CLVS1: variants seen among roughly 807,000 people sequenced by gnomAD.
CLVS1 encodes clavesin 1, also known as clavesin-1.
Under a neutral mutation model 33.1 loss-of-function variants are expected in CLVS1, and 10 were observed. The observed-to-expected ratio is 0.30, with a 90% CI of 0.19 to 0.51. CLVS1 has a LOEUF of 0.51. CLVS1 is among the 20% of genes least tolerant of loss of function. The pLI is 0.97. For synonymous variants in CLVS1, 163 were observed against 166.1 expected (o/e 0.98, Z 0.14); for missense variants, 343 against 433.4 (o/e 0.79, Z 1.85).
At chr8:61,360,069 TG>T (rs138210662) in intron 2 of CLVS1, among the ~76,000 whole-genome samples, 5,148 of 152,234 alleles carry the variant, frequency 0.034, 295 homozygotes, top group African/African-American at 0.12. Flanking sequence ...GCAGGGAGTT[TG>T]GGAAAGGGCA....
intron 5 of CLVS1, among the ~76,000 whole-genome samples, chr8:61,464,151 A>C (rs1817467986): frequency 6.6e-6 from 1 of 152,180 alleles, no homozygotes. Flanking sequence ...CAGAGACACA[A>C]AGTGAGTCAT....
chr8:61,097,098 T>C (rs1805365029), intron 1 of CLVS1, among the ~76,000 whole-genome samples: 1 of 151,942 alleles, frequency 6.6e-6, no homozygotes, highest in African/African-American at 2.4e-5. Context: ...TGGTGGCTCA[T>C]GCATGTAATC....
At chr8:61,316,252 C>A (rs1206582006) in intron 2 of CLVS1, among the ~76,000 whole-genome samples, 1 of 152,124 alleles carries the variant, frequency 6.6e-6, no homozygotes, top group Non-Finnish European at 1.5e-5. Flanking sequence ...TTGGAACCAA[C>A]CCAAACACCT....
chr8:61,339,262 G>A (rs752315750), intron 2 of CLVS1, among the ~76,000 whole-genome samples: 13 of 152,214 alleles, frequency 8.5e-5, no homozygotes, highest in Non-Finnish European at 1.5e-4. Context: ...TGCCTGCCCC[G>A]TCCCATCCCC....
At chr8:61,264,813 G>C (rs1366881043) in intron 2 of CLVS1, 1 of 152,214 alleles carries the variant, frequency 6.6e-6, no homozygotes. Flanking sequence ...GAAGTTGGTA[G>C]GAATGGAGAT....
chr8:60,969,643 G>A, the CLVS1 span, among the ~76,000 whole-genome samples: 2 of 152,120 alleles, frequency 1.3e-5, no homozygotes, highest in East Asian at 1.9e-4. Context: ...CAGGGGCGGG[G>A]GCTGTTAGGA....
At chr8:61,039,441 G>A in the CLVS1 span, among the ~76,000 whole-genome samples, 1 of 152,194 alleles carries the variant, frequency 6.6e-6, no homozygotes, top group Non-Finnish European at 1.5e-5. Context: ...GCTCCTTCAG[G>A]TAGCATGGTG....
chr8:61,115,224 C>A (rs993498123), intron 1 of CLVS1, among the ~76,000 whole-genome samples: 3 of 152,066 alleles, frequency 2.0e-5, no homozygotes, highest in Non-Finnish European at 4.4e-5. Flanking sequence ...CAAAACAAAG[C>A]TGATAATAAC....
chr8:61,093,550 A>G (rs1247468334), intron 1 of CLVS1, among the ~76,000 whole-genome samples: 2 of 152,220 alleles, frequency 1.3e-5, no homozygotes, highest in Non-Finnish European at 2.9e-5. Flanking sequence ...TGGGATTCAG[A>G]GGATTACTGC....
intron 2 of CLVS1, among the ~76,000 whole-genome samples, chr8:61,191,612 A>G (rs934370720): frequency 1.2e-4 from 19 of 152,240 alleles, no homozygotes; most frequent in African/African-American, 3.9e-4. Flanking sequence ...ACATGATTGT[A>G]TATTTAGAAA....
the CLVS1 span, among the ~76,000 whole-genome samples, chr8:61,018,229 T>C: frequency 6.6e-6 from 1 of 151,992 alleles, no homozygotes; most frequent in South Asian, 2.1e-4. Context: ...AATGTAGGAG[T>C]TGGGATATGG....
the CLVS1 span, among the ~76,000 whole-genome samples, chr8:61,049,557 G>A: frequency 0.2 from 29,764 of 152,182 alleles, 3,966 homozygotes; most frequent in African/African-American, 0.38. Context: ...CTGAGGTCCA[G>A]TTGGAAACAA....
chr8:61,411,397 C>T (rs1815217654), intron 3 of CLVS1, among the ~76,000 whole-genome samples: 1 of 152,002 alleles, frequency 6.6e-6, no homozygotes, highest in Non-Finnish European at 1.5e-5. Flanking sequence ...TGTTTCCTCC[C>T]CTTTCTGAGC....
chr8:60,992,532 G>A, the CLVS1 span, among the ~76,000 whole-genome samples: 2 of 152,226 alleles, frequency 1.3e-5, no homozygotes, highest in East Asian at 1.9e-4. Flanking sequence ...TCGAATCAAT[G>A]TAATGGAGAC....
chr8:61,204,000 T>C (rs1006257577), intron 2 of CLVS1, among the ~76,000 whole-genome samples: 6 of 152,216 alleles, frequency 3.9e-5, no homozygotes, highest in Non-Finnish European at 5.9e-5. Flanking sequence ...CATCCTGCCA[T>C]GTAGAAGATA....
chr8:61,443,692 T>C (rs1433220186), intron 3 of CLVS1, among the ~76,000 whole-genome samples: 2 of 152,194 alleles, frequency 1.3e-5, no homozygotes, highest in Non-Finnish European at 2.9e-5. Flanking sequence ...TCCACTTTAT[T>C]CTTTTTCAAA....
intron 2 of CLVS1, among the ~76,000 whole-genome samples, chr8:61,253,334 C>T (rs1019100713): frequency 6.6e-6 from 1 of 152,176 alleles, no homozygotes; most frequent in Non-Finnish European, 1.5e-5. Context: ...CCTGACCTTT[C>T]TCTCTGGCTG....
At chr8:61,476,038 A>G (rs1188250894) in intron 5 of CLVS1, among the ~76,000 whole-genome samples, 3 of 152,300 alleles carry the variant, frequency 2.0e-5, no homozygotes, top group Non-Finnish European at 4.4e-5. Context: ...TCCCAGCACC[A>G]TTTATTAAAT....
chr8:61,094,297 GCAA>G (rs1805308415), intron 1 of CLVS1, among the ~76,000 whole-genome samples: 1 of 152,098 alleles, frequency 6.6e-6, no homozygotes, highest in African/African-American at 2.4e-5. Context: ...TGGTTCTAAT[GCAA>G]GGACTCGGGG....
Sources: gnomAD v4.1 joint callset for allele counts (sites outside exome capture counted in the v4.1 genomes callset) on GRCh38, gnomAD v4.1.1 for gene constraint, MANE v1.5 for transcripts, NCBI Gene and HGNC (gene_info 2026-07-23, HGNC 2026-07-21) for gene names.